Variants in PLXDC2 observed in about 807,000 individuals in gnomAD.
The protein encoded by PLXDC2 is plexin domain-containing protein 2.
In PLXDC2, 40 loss-of-function variants were observed where a neutral mutation model predicts 68.9. That is an observed-to-expected ratio of 0.58 (90% CI 0.45 to 0.76). PLXDC2 has a LOEUF of 0.76. PLXDC2 is among the 30% of genes least tolerant of loss of function. The probability of loss-of-function intolerance (pLI) is 0.00; values close to 1 mark genes in which losing one functional copy is unlikely to be tolerated. For missense variants in PLXDC2, 644 were observed against 661.9 expected (o/e 0.97, Z 0.30); for synonymous variants, 243 against 234.2 (o/e 1.04, Z -0.34).
intron 1 of PLXDC2, among the ~76,000 whole-genome samples, chr10:19,974,896 G>A (rs192053446): frequency 2.6e-5 from 4 of 152,224 alleles, no homozygotes; most frequent in African/African-American, 9.6e-5. Flanking sequence ...GCTTGTTGAA[G>A]GACCCAGGAA....
chr10:20,127,728 G>T (rs2460601), intron 4 of PLXDC2, among the ~76,000 whole-genome samples: 48,158 of 151,988 alleles, frequency 0.32, 10,051 homozygotes, highest in Non-Finnish European at 0.48. Context: ...AGTGGAACAT[G>T]TCTGTAGTCC....
At chr10:19,831,612 G>A (rs1414708657) in intron 1 of PLXDC2, among the ~76,000 whole-genome samples, 2 of 152,112 alleles carry the variant, frequency 1.3e-5, no homozygotes, top group Non-Finnish European at 2.9e-5. Flanking sequence ...ATAGACCCCA[G>A]TGTCTGTTGT....
At chr10:19,833,535 A>T (rs1471692749) in intron 1 of PLXDC2, among the ~76,000 whole-genome samples, 3 of 152,234 alleles carry the variant, frequency 2.0e-5, no homozygotes, top group African/African-American at 7.2e-5. Context: ...TAACAAACTC[A>T]TGTTGTGTAA....
chr10:20,119,525 C>G (rs12413156), intron 4 of PLXDC2, among the ~76,000 whole-genome samples: 19,008 of 126,770 alleles, frequency 0.15, 2,160 homozygotes, highest in East Asian at 0.36. Flanking sequence ...CATCAGTTAA[C>G]GCAGGAACCG....
rs188162813 is a variant in PLXDC2, at chr10:19,839,269, C to T, written c.112+22078C>T. ...AAAGGTCTAGAAAGCTTGTCCAACCCATGGCCCATGTGCCCTGGGCATGTG... is the reference window on the plus strand; with the variant it reads ...AAAGGTCTAGAAAGCTTGTCCAACCTATGGCCCATGTGCCCTGGGCATGTG... On this transcript the variant is annotated intron_variant, in intron 1 of 13. Coordinates refer to ENST00000377252, the MANE Select transcript of PLXDC2 (RefSeq NM_032812.9). Among the ~76,000 whole-genome samples the T allele has an allele frequency of 3.3e-5, 5 of 152,214 alleles. No homozygotes were observed. In the South Asian group the frequency reaches 6.2e-4, roughly 19 times the overall value.
At chr10:20,191,870 G>A (rs1377824706) in intron 9 of PLXDC2, among the ~76,000 whole-genome samples, 3 of 152,036 alleles carry the variant, frequency 2.0e-5, no homozygotes, top group South Asian at 2.1e-4. Context: ...GGACGGGAGG[G>A]CTGTTTTAAG....
intron 1 of PLXDC2, among the ~76,000 whole-genome samples, chr10:19,976,760 T>A (rs1159607314): frequency 6.6e-6 from 1 of 152,126 alleles, no homozygotes; most frequent in African/African-American, 2.4e-5. Flanking sequence ...CCCTTTTGTG[T>A]GTGTGTGGGT....
At position 20,222,664 on chromosome 10, in the gene PLXDC2, A is replaced by G. The variant is rs145742607; in HGVS notation, c.1312+3562A>G. On this transcript the variant is annotated intron_variant, in intron 12 of 13. Transcript: ENST00000377252. ...TAGTAAGATAGAGCTTTGATTGACC[A>G]TTGAAATGGCTGGTTCTAAAAACGC... is the stretch of plus-strand genomic sequence containing the variant. 2.6e-5 allele frequency among the ~76,000 whole-genome samples: 4 copies of G among 152,262 alleles called. No individual in the cohort carries two copies. The East Asian group carries it at 5.8e-4, about 22-fold the overall frequency.
intron 4 of PLXDC2, among the ~76,000 whole-genome samples, chr10:20,126,290 A>G (rs1833776311): frequency 6.8e-6 from 1 of 147,068 alleles, no homozygotes; most frequent in South Asian, 2.1e-4. Flanking sequence ...TATACGTTAT[A>G]TAATACATAT....
At chr10:20,214,416 TGAG>T (rs985482039) in intron 10 of PLXDC2, among the ~76,000 whole-genome samples, 75 of 152,278 alleles carry the variant, frequency 4.9e-4, no homozygotes, top group African/African-American at 1.6e-3. Context: ...TGCCCTAATG[TGAG>T]GAGGAGAAGT....
At chr10:20,111,844 A>T (rs902208118) in intron 4 of PLXDC2, among the ~76,000 whole-genome samples, 1 of 152,202 alleles carries the variant, frequency 6.6e-6, no homozygotes, top group African/African-American at 2.4e-5. Context: ...CAATATTTTG[A>T]TTAACAGTTT....
intron 1 of PLXDC2, among the ~76,000 whole-genome samples, chr10:19,891,373 G>A (rs541327207): frequency 6.6e-6 from 1 of 151,052 alleles, no homozygotes; most frequent in Non-Finnish European, 1.5e-5. Context: ...ACCTTCTTTC[G>A]CCTGCACTTT....
chr10:20,127,974 G>C (rs531357431), intron 4 of PLXDC2, among the ~76,000 whole-genome samples: 1 of 152,328 alleles, frequency 6.6e-6, no homozygotes, highest in African/African-American at 2.4e-5. Context: ...ATGTAGAGCT[G>C]TTCTAGACAG....
chr10:20,240,049 A>G (rs1233745113), intron 12 of PLXDC2, among the ~76,000 whole-genome samples: 1 of 152,150 alleles, frequency 6.6e-6, no homozygotes. Context: ...ATAGTACCCA[A>G]TAGGTAGTTT....
chr10:20,154,370 G>T (rs1834190957), intron 6 of PLXDC2, among the ~76,000 whole-genome samples: 1 of 152,086 alleles, frequency 6.6e-6, no homozygotes, highest in African/African-American at 2.4e-5. Context: ...TTGGAGACCA[G>T]CCTGGCAACA....
At chr10:19,843,730 G>A (rs1002868776) in intron 1 of PLXDC2, among the ~76,000 whole-genome samples, 2 of 152,162 alleles carry the variant, frequency 1.3e-5, no homozygotes, top group Non-Finnish European at 2.9e-5. Context: ...GTGATCTCCT[G>A]GAGCTAAAGA....
chr10:20,165,353 G>C (rs903622766), intron 7 of PLXDC2, among the ~76,000 whole-genome samples: 1 of 151,722 alleles, frequency 6.6e-6, no homozygotes, highest in African/African-American at 2.4e-5. Flanking sequence ...TGTATACATG[G>C]TGCCACGCTG....
chr10:19,981,317 T>C (rs2131620024), intron 1 of PLXDC2, among the ~76,000 whole-genome samples: 1 of 152,316 alleles, frequency 6.6e-6, no homozygotes, highest in Non-Finnish European at 1.5e-5. Context: ...TCCTAGACCT[T>C]GAAAATGAAA....
At chr10:20,145,287 C>T (rs1446624569) in intron 5 of PLXDC2, among the ~76,000 whole-genome samples, 4 of 152,130 alleles carry the variant, frequency 2.6e-5, no homozygotes, top group African/African-American at 4.8e-5. Context: ...TGAAAACTTA[C>T]GTTTTATTAA....
Sources: gnomAD v4.1 joint callset for allele counts (sites outside exome capture counted in the v4.1 genomes callset) on GRCh38, gnomAD v4.1.1 for gene constraint, MANE v1.5 for transcripts, NCBI Gene and HGNC (gene_info 2026-07-23, HGNC 2026-07-21) for gene names.